Variants in RETREG1 observed in about 807,000 individuals in gnomAD.
RETREG1 encodes family with sequence similarity 134 member B.
In RETREG1, 44 loss-of-function variants were observed where a neutral mutation model predicts 54.8. The ratio of observed to expected loss-of-function variants is 0.80; its 90% confidence interval spans 0.63 to 1.03. The LOEUF is 1.03. Ranked by LOEUF, RETREG1 falls within the 50% of genes least tolerant of loss-of-function variation. The probability of loss-of-function intolerance (pLI) is 0.00; values close to 1 mark genes in which losing one functional copy is unlikely to be tolerated. For synonymous variants in RETREG1, 217 were observed against 238.5 expected (o/e 0.91, Z 0.83); for missense variants, 554 against 605.1 (o/e 0.92, Z 0.89).
At chr5:16,508,702 C>G in intron 3 of RETREG1, 1 of 1,597,666 alleles carries the variant, frequency 6.3e-7, no homozygotes, top group Admixed American at 1.7e-5. Context: ...CTTTTCTACT[C>G]TAATGCTGAA....
intron 5 of RETREG1, among the ~76,000 whole-genome samples, chr5:16,480,783 T>C (rs1465702473): frequency 6.6e-6 from 1 of 152,114 alleles, no homozygotes; most frequent in Non-Finnish European, 1.5e-5. Context: ...AAATTTAACA[T>C]AAAATTATTC....
At chr5:16,543,479 C>T (rs953916255) in intron 3 of RETREG1, among the ~76,000 whole-genome samples, 1 of 151,976 alleles carries the variant, frequency 6.6e-6, no homozygotes, top group African/African-American at 2.4e-5. Context: ...AGTTCGAAAC[C>T]AGTCTAGCCA....
chr5:16,616,865 T>C lies in RETREG1; in HGVS notation c.107A>G (p.Glu36Gly). 7 of 1,504,550 alleles carry C rather than the reference T, an allele frequency of 4.7e-6. No homozygotes were observed. The highest frequency in any genetic ancestry group is 6.2e-6 in the Non-Finnish European group (7 of 1,134,346). 93.2% of individuals were successfully genotyped at this position (1,504,550 alleles called of 1,614,324 possible). The part of the protein sequence containing the change: ...SPPPPQASPA[E>G]RQQQEEEAQE... Reference sequence around the variant, plus strand: ...CGCTTCCTCCTCCTGCTGCTGCCGCTCTGCGGGGGATGCCTGGGGCGGTGG... The same window carrying C: ...CGCTTCCTCCTCCTGCTGCTGCCGCCCTGCGGGGGATGCCTGGGGCGGTGG... The change falls in exon 1 of 9, where the codon GAG (glutamate) becomes GGG (glycine). Residue 36 changes from glutamate (E) to glycine (G), a missense_variant. Glu to Gly is a moderately conservative substitution (Grantham distance 98). Transcript: ENST00000306320.
intron 3 of RETREG1, among the ~76,000 whole-genome samples, chr5:16,539,623 C>G (rs1031556097): frequency 3.9e-5 from 6 of 152,164 alleles, no homozygotes; most frequent in East Asian, 1.9e-4. Flanking sequence ...TGCAACTGAG[C>G]CTCCCAGTCC....
At chr5:16,501,419 A>C (rs895083763) in intron 3 of RETREG1, among the ~76,000 whole-genome samples, 4 of 152,232 alleles carry the variant, frequency 2.6e-5, no homozygotes, top group Admixed American at 2.6e-4. Flanking sequence ...TACACTTTAA[A>C]ATGCAAGTTT....
At position 16,478,840 on chromosome 5, in the gene RETREG1, C is replaced by T. The variant is rs748279839; in HGVS notation, c.808+10G>A. ...TCATGCATAGAATCTAAAATATAAACTTTACCTACCAGATCTCTCACGTTT... is the reference window on the plus strand; with the variant it reads ...TCATGCATAGAATCTAAAATATAAATTTTACCTACCAGATCTCTCACGTTT... On this transcript the variant is annotated intron_variant, in intron 6 of 8. Transcript: ENST00000306320. The T allele has an allele frequency of 1.8e-5, 29 of 1,610,374 alleles. No homozygotes were observed. Among genetic ancestry groups the T allele is most frequent in the Non-Finnish European group, 2.5e-5 (29 of 1,177,494 alleles).
At chr5:16,579,017 T>A (rs1190288483) in intron 1 of RETREG1, among the ~76,000 whole-genome samples, 1 of 152,078 alleles carries the variant, frequency 6.6e-6, no homozygotes, top group South Asian at 2.1e-4. Flanking sequence ...AAGAGACCAA[T>A]GCATTCCAGG....
intron 3 of RETREG1, among the ~76,000 whole-genome samples, chr5:16,534,512 G>C (rs1741000245): frequency 6.6e-6 from 1 of 152,214 alleles, no homozygotes; most frequent in Non-Finnish European, 1.5e-5. Flanking sequence ...CATATAGAGT[G>C]GGTAGAGAGG....
intron 3 of RETREG1, among the ~76,000 whole-genome samples, chr5:16,548,312 T>C (rs1433254945): frequency 6.6e-6 from 1 of 152,196 alleles, no homozygotes; most frequent in Non-Finnish European, 1.5e-5. Flanking sequence ...GCGTGAAATG[T>C]ACCTGAGTTA....
intron 3 of RETREG1, among the ~76,000 whole-genome samples, chr5:16,560,772 C>G (rs1282079114): frequency 6.6e-6 from 1 of 152,172 alleles, no homozygotes; most frequent in Non-Finnish European, 1.5e-5. Flanking sequence ...ATAAAGTGTT[C>G]TTTAATTTTT....
At position 16,585,143 on chromosome 5, in the gene RETREG1, G is replaced by C. The variant is rs1218094145; in HGVS notation, c.321-13041C>G. ...GGGAAATGGTGGGTAGTAACAATCAGAGTCTGCTGCAGTGGAGGAGGGGAA... is the reference window on the plus strand; with the variant it reads ...GGGAAATGGTGGGTAGTAACAATCACAGTCTGCTGCAGTGGAGGAGGGGAA... On this transcript the variant is annotated intron_variant, in intron 1 of 8. Transcript: ENST00000306320. The surrounding 1 kb of genome is among the most constrained non-coding windows in gnomAD (Gnocchi z 4.5). Among the ~76,000 whole-genome samples, 3 of 152,172 alleles carry C rather than the reference G, an allele frequency of 2.0e-5. No individual in the cohort carries two copies.
At chr5:16,610,247 G>A (rs371215397) in intron 1 of RETREG1, among the ~76,000 whole-genome samples, 1 of 152,196 alleles carries the variant, frequency 6.6e-6, no homozygotes, top group Non-Finnish European at 1.5e-5. Context: ...TGAGACGCCT[G>A]AAAAGTCAGA....
intron 3 of RETREG1, among the ~76,000 whole-genome samples, chr5:16,519,352 G>C (rs370820332): frequency 6.6e-6 from 1 of 152,160 alleles, no homozygotes; most frequent in Non-Finnish European, 1.5e-5. Flanking sequence ...AATGGGGGCA[G>C]GTCACTGACA....
intron 5 of RETREG1, among the ~76,000 whole-genome samples, chr5:16,479,194 C>A (rs565688912): frequency 8.2e-4 from 125 of 152,110 alleles, no homozygotes; most frequent in African/African-American, 2.9e-3. Context: ...CACATGCATC[C>A]CACACTTACA....
At chr5:16,551,653 G>A (rs1301791500) in intron 3 of RETREG1, among the ~76,000 whole-genome samples, 1 of 152,132 alleles carries the variant, frequency 6.6e-6, no homozygotes, top group Non-Finnish European at 1.5e-5. Flanking sequence ...GGAGACATGA[G>A]TTGGAAAAAC....
In RETREG1 at chr5:16,576,571, C is replaced by T. The variant is rs375000337; in HGVS notation, c.321-4469G>A. On this transcript the variant is annotated intron_variant, in intron 1 of 8. Coordinates refer to ENST00000306320, the MANE Select transcript of RETREG1 (RefSeq NM_001034850.3). ...CACGATCTCGGCTCACCGCAACCTC[C>T]GCCTCCCAGGTTCAAGCAATTCCCC... Among the ~76,000 whole-genome samples, 101 of 152,206 alleles carry T rather than the reference C, an allele frequency of 6.6e-4. 1 individual carries two copies. The highest frequency in any genetic ancestry group is 2.0e-3 in the African/African-American group (85 of 41,526).
At chr5:16,601,842 A>G (rs1743063589) in intron 1 of RETREG1, among the ~76,000 whole-genome samples, 1 of 152,212 alleles carries the variant, frequency 6.6e-6, no homozygotes, top group Non-Finnish European at 1.5e-5. Flanking sequence ...TAATCAAGAG[A>G]AAACCCCAGA....
chr5:16,589,834 C>T (rs1742711677), intron 1 of RETREG1, among the ~76,000 whole-genome samples: 1 of 152,318 alleles, frequency 6.6e-6, no homozygotes, highest in African/African-American at 2.4e-5. Flanking sequence ...CAGGAAAGTC[C>T]ACTCTGGCCC....
chr5:16,607,102 A>G (rs1427262002), intron 1 of RETREG1, among the ~76,000 whole-genome samples: 6 of 152,218 alleles, frequency 3.9e-5, no homozygotes, highest in African/African-American at 9.7e-5. Flanking sequence ...TGAAAGGCCA[A>G]TGATGACCAC....
Sources: gnomAD v4.1 joint callset for allele counts (sites outside exome capture counted in the v4.1 genomes callset) on GRCh38, gnomAD v4.1.1 for gene constraint, Gnocchi (gnomAD v3.1) non-coding constraint, MANE v1.5 for transcripts, NCBI Gene and HGNC (gene_info 2026-07-23, HGNC 2026-07-21) for gene names.